POLDIP2: variants seen among roughly 807,000 people sequenced by gnomAD.
The protein encoded by POLDIP2 is DNA polymerase delta interacting protein 2, also known as polymerase delta-interacting protein 2.
POLDIP2 carries 32 observed loss-of-function variants against 52.9 expected under a neutral mutation model. The ratio of observed to expected loss-of-function variants is 0.61; its 90% CI spans 0.46 to 0.81. The LOEUF (loss-of-function observed/expected upper bound fraction) is 0.81. Ranked by LOEUF, POLDIP2 falls within the 40% of genes least tolerant of loss-of-function variation. POLDIP2 has a pLI of 0.00. For synonymous variants in POLDIP2, 183 were observed against 183.0 expected (o/e 1.00, Z 0.00); for missense variants, 371 against 477.3 (o/e 0.78, Z 2.07).
intron 1 of POLDIP2, among the ~76,000 whole-genome samples, chr17:28,356,570 CAGGGGTCTTAAATT>C (rs1555580961): frequency 6.6e-6 from 1 of 152,216 alleles, no homozygotes; most frequent in African/African-American, 2.4e-5. Context: ...CATATTCTCA[CAGGGGTCTTAAATT>C]GCAAATAGCT....
Position 28,351,675 on chromosome 17 carries a change from T to C in POLDIP2, c.748A>G (p.Met250Val), listed in dbSNP as rs1555579988. The C allele has an allele frequency of 3.1e-6, 5 of 1,613,676 alleles. No homozygotes were observed. Among genetic ancestry groups the C allele is most frequent in the Admixed American group, 1.7e-5 (1 of 60,016 alleles). The change falls in exon 7 of 11, where the codon ATG becomes GTG. Residue 250 changes from methionine to valine, a missense_variant. Met to Val is a conservative substitution (Grantham distance 21). Transcript: ENST00000540200. Reference protein sequence around the residue: ...NIRVTVIPFYMGMREAQNSHV... With the variant: ...NIRVTVIPFYVGMREAQNSHV... ...GGCTGGCCACATACCCTCATGCCCA[T>C]GTAGAAGGGGATGACAGTGACACGT...
intron 1 of POLDIP2, among the ~76,000 whole-genome samples, chr17:28,356,094 C>T (rs1275739668): frequency 6.6e-6 from 1 of 151,388 alleles, no homozygotes; most frequent in African/African-American, 2.4e-5. Flanking sequence ...ATACTACTGT[C>T]TTCTCTCTTC....
At position 28,357,323 on chromosome 17, in the gene POLDIP2, C is replaced by T. The variant is rs781982230; in HGVS notation, c.126G>A (p.Ala42=). 6.3e-6 allele frequency: 10 copies of T among 1,579,306 alleles called. No individual in the cohort carries two copies. The highest frequency in any genetic ancestry group is 8.5e-6 in the Non-Finnish European group (10 of 1,172,764). ...AAAGAGAFSP[A]STTTTRRHLS... ...GGTGCCTCCGCGTCGTCGTGGTCGA[C>T]GCTGGCGAGAAGGCTCCAGCTCCGG... Residue 42 remains alanine, a synonymous_variant, in exon 1 of 11, where the codon GCG becomes GCA. Transcript: ENST00000540200.
rs1422155617 is a variant in POLDIP2 at position 28,353,070 on chromosome 17, G to T, written c.515-51C>A. 5 of 798,790 alleles carry T rather than the reference G, an allele frequency of 6.3e-6. No homozygotes were observed. In the East Asian group the frequency reaches 1.2e-4, roughly 20 times the overall value. The allele number at this position is 798,790 out of a possible 1,614,324, so 49.5% of individuals were successfully genotyped here. ...GGTGAAACTCACAGGAGAGGAGAGA[G>T]ATGGGGTTGAGAAGAAACATTAACT... On this transcript the variant is annotated intron_variant, in intron 5 of 10. Transcript: ENST00000540200.
intron 7 of POLDIP2, among the ~76,000 whole-genome samples, chr17:28,351,209 G>A (rs978147693): frequency 7.2e-5 from 11 of 152,092 alleles, no homozygotes; most frequent in Non-Finnish European, 1.0e-4. Flanking sequence ...AGACAGGGAC[G>A]GTGTTTCATT....
chr17:28,350,598 A>C, intron 8 of POLDIP2, 35 bp from the exon 9 acceptor site: 1 of 1,601,112 alleles, frequency 6.2e-7, no homozygotes, highest in Non-Finnish European at 8.5e-7. Flanking sequence ...TTTAAAAAAA[A>C]TAAAATTTGG....
chr17:28,357,191 C>CCTCA (rs2142401913), intron 1 of POLDIP2, 97 bp downstream of exon 1: 1 of 1,154,374 alleles, frequency 8.7e-7, no homozygotes, highest in African/African-American at 1.6e-5. Context: ...CTCCAGTCAC[C>CCTCA]CTCAGCAGGC....
rs1158583785 is a variant in POLDIP2 at position 28,347,598 on chromosome 17, G to C, written c.*519C>G. 6.4e-6 allele frequency: 1 copy of C among 156,156 alleles called. No homozygotes were observed. The highest frequency in any genetic ancestry group is 1.9e-4 in the East Asian group (1 of 5,244). The allele number at this position is 156,156 out of a possible 1,614,324, so 9.7% of individuals were successfully genotyped here. A position where few individuals can be genotyped will look rare whatever the true frequency, so the allele number is the denominator to read the frequency against. ...GTAAAGTGAACAAGAGTCCAGTCCA[G>C]CACCCCCGCCAACTAGCTGAGAGGC... On this transcript the variant is annotated 3_prime_UTR_variant, in exon 11 of 11. Coordinates refer to ENST00000540200, the MANE Select transcript of POLDIP2 (RefSeq NM_015584.5).
intron 6 of POLDIP2, 143 bp from the exon 7 acceptor site, chr17:28,351,943 T>A (rs946596357): frequency 6.2e-5 from 43 of 698,780 alleles, no homozygotes; most frequent in Non-Finnish European, 1.0e-4. Context: ...TGCTCATACA[T>A]GAAGCAAAAG....
Position 28,357,168 on chromosome 17 carries a change from C to A in POLDIP2, c.161+120G>T. 4 of 980,710 alleles carry A rather than the reference C, an allele frequency of 4.1e-6. No homozygotes were observed. In the East Asian group the frequency reaches 1.3e-4, roughly 31 times the overall value. 60.8% of individuals were successfully genotyped at this position (980,710 alleles called of 1,614,324 possible). A position where few individuals can be genotyped will look rare whatever the true frequency, so the allele number is the denominator to read the frequency against. On this transcript the variant is annotated intron_variant, in intron 1 of 10. Coordinates refer to ENST00000540200, the MANE Select transcript of POLDIP2 (RefSeq NM_015584.5). ...AGGTCGGCTCCCTGCTCGGGACCCT[C>A]TCCCGGGTCAAACTCCAGTCACCCT...
At chr17:28,349,419 T>A (rs1032450673) in intron 9 of POLDIP2, among the ~76,000 whole-genome samples, 1 of 120,850 alleles carries the variant, frequency 8.3e-6, no homozygotes, top group African/African-American at 3.3e-5. Flanking sequence ...GCAAAGGACC[T>A]CCTCTGCAGC....
In POLDIP2 at chr17:28,347,863, G is replaced by A. The variant is rs782418736; in HGVS notation, c.*254C>T. On this transcript the variant is annotated 3_prime_UTR_variant, in exon 11 of 11. Coordinates refer to ENST00000540200, the MANE Select transcript of POLDIP2 (RefSeq NM_015584.5). ...AAACTCCTCCAGGCCTGTGGCAGCT[G>A]AACACAGTTCCTTGGTGGAGAGGTT... 3.7e-5 allele frequency: 17 copies of A among 465,094 alleles called. No homozygotes were observed. Among genetic ancestry groups the A allele is most frequent in the Non-Finnish European group, 5.4e-5 (14 of 259,126 alleles). 28.8% of individuals were successfully genotyped at this position (465,094 alleles called of 1,614,324 possible).
Position 28,353,520 on chromosome 17 carries a change from C to CAAAAAAAAAAAAAAAAAAAA in POLDIP2, c.438+174_438+175insTTTTTTTTTTTTTTTTTTTT, listed in dbSNP as rs71135829. On this transcript the variant is annotated intron_variant, in intron 4 of 10. Coordinates refer to ENST00000540200, the MANE Select transcript of POLDIP2 (RefSeq NM_015584.5). ...CTGGCGACAGAGTGAGACTCCATAT[C>CAAAAAAAAAAAAAAAAAAAA]AAAAAAAAAAAAAAAGACGTGAATC... Among the ~76,000 whole-genome samples, 99 of 54,752 alleles carry CAAAAAAAAAAAAAAAAAAAA rather than the reference C, an allele frequency of 1.8e-3. 16 individuals are homozygous for CAAAAAAAAAAAAAAAAAAAA. The highest frequency in any genetic ancestry group is 2.6e-3 in the Non-Finnish European group (86 of 33,018). The allele number at this position is 54,752 out of a possible 152,430, so 35.9% of individuals were successfully genotyped here.
chr17:28,352,122 A>G (rs1438702258), intron 6 of POLDIP2, among the ~76,000 whole-genome samples: 5 of 151,714 alleles, frequency 3.3e-5, no homozygotes, highest in African/African-American at 4.9e-5. Flanking sequence ...CTCAGTTTCC[A>G]TATCTGTAAG....
rs904159817 is a variant in POLDIP2, at chr17:28,346,776, G to C, written c.*1341C>G. 6.6e-6 allele frequency: 1 copy of C among 152,184 alleles called. No homozygotes were observed. Among genetic ancestry groups the C allele is most frequent in the African/African-American group, 2.4e-5 (1 of 41,430 alleles). 9.4% of individuals were successfully genotyped at this position (152,184 alleles called of 1,614,324 possible). A position where few individuals can be genotyped will look rare whatever the true frequency, so the allele number is the denominator to read the frequency against. ...CCCAGGGGTAAGTAAACAAAGTATG[G>C]ATGAAGGTCAGATTTTCTTGTCAGT... On this transcript the variant is annotated 3_prime_UTR_variant, in exon 11 of 11. Coordinates refer to ENST00000540200, the MANE Select transcript of POLDIP2 (RefSeq NM_015584.5).
At position 28,348,089 on chromosome 17, in the gene POLDIP2, A is replaced by T. The variant is rs1264908595; in HGVS notation, c.*28T>A. 1 of 1,386,158 alleles carries T rather than the reference A, an allele frequency of 7.2e-7. No individual in the cohort carries two copies. The highest frequency in any genetic ancestry group is 1.0e-6 in the Non-Finnish European group (1 of 972,282). The allele number at this position is 1,386,158 out of a possible 1,614,324, so 85.9% of individuals were successfully genotyped here. On this transcript the variant is annotated 3_prime_UTR_variant, in exon 11 of 11. Transcript: ENST00000540200. ...TGAGAGTTGTTCTTCCCGGTGACCA[A>T]GCCTGGGCACTTGGGGCCTCAGCTG... is the stretch of plus-strand genomic sequence containing the variant.
Position 28,354,413 on chromosome 17 carries a change from C to T in POLDIP2, c.341+75G>A, listed in dbSNP as rs1907936114. 2.9e-6 allele frequency: 3 copies of T among 1,037,178 alleles called. No homozygotes were observed. The South Asian group carries it at 4.1e-5, about 14-fold the overall frequency. The allele number at this position is 1,037,178 out of a possible 1,614,324, so 64.2% of individuals were successfully genotyped here. On this transcript the variant is annotated intron_variant, in intron 3 of 10. Transcript: ENST00000540200. ...AGGCCTAGGAGGACGCTGTCTTCACCCCTAGTACCCCAATTACATATGTCT... is the reference window on the plus strand; with the variant it reads ...AGGCCTAGGAGGACGCTGTCTTCACTCCTAGTACCCCAATTACATATGTCT...
intron 7 of POLDIP2, among the ~76,000 whole-genome samples, chr17:28,351,111 C>G (rs1416148055): frequency 1.3e-5 from 2 of 152,184 alleles, no homozygotes; most frequent in East Asian, 3.9e-4. Context: ...CCTTGCTGCC[C>G]TGAGCCCCTG....
chr17:28,357,001 G>A (rs1487639040), intron 1 of POLDIP2, among the ~76,000 whole-genome samples: 4 of 152,230 alleles, frequency 2.6e-5, no homozygotes, highest in Non-Finnish European at 5.9e-5. Flanking sequence ...GCTTCCCTCT[G>A]ACATCGGTGC....
Sources: allele counts gnomAD v4.1 joint callset (sites outside exome capture counted in the v4.1 genomes callset), GRCh38; gene constraint gnomAD v4.1.1; transcripts MANE v1.5; gene names NCBI Gene and HGNC (gene_info 2026-07-23, HGNC 2026-07-21).